Variants in LRRC69 observed in about 807,000 individuals in gnomAD.
LRRC69 encodes the protein leucine-rich repeat-containing protein 69.
In LRRC69, 42 loss-of-function variants were observed where a neutral mutation model predicts 37.8. The observed-to-expected ratio is 1.11, with a 90% CI of 0.87 to 1.44. LRRC69 has a LOEUF of 1.44. Among genes scored for constraint, LRRC69 ranks in the 40% most tolerant of loss-of-function variants. LRRC69 has a pLI of 0.00. For missense variants in LRRC69, 357 were observed against 401.9 expected (o/e 0.89, Z 0.96); for synonymous variants, 141 against 143.1 (o/e 0.99, Z 0.11).
At chr8:91,111,994 T>A (rs956161519) in intron 1 of LRRC69, among the ~76,000 whole-genome samples, 9 of 151,936 alleles carry the variant, frequency 5.9e-5, no homozygotes, top group Admixed American at 4.6e-4. Context: ...GATGCCTTCA[T>A]GGGGAAGATG....
chr8:91,164,064 AT>A (rs1194844489), intron 5 of LRRC69, among the ~76,000 whole-genome samples: 7 of 151,358 alleles, frequency 4.6e-5, no homozygotes, highest in African/African-American at 1.7e-4. Flanking sequence ...AAGGCAATCA[AT>A]TTTTTCATTA....
At chr8:91,150,066 T>C (rs1808703181) in intron 5 of LRRC69, among the ~76,000 whole-genome samples, 1 of 151,988 alleles carries the variant, frequency 6.6e-6, no homozygotes, top group African/African-American at 2.4e-5. Flanking sequence ...CCTAATTGAA[T>C]ACCCTTTATT....
intron 5 of LRRC69, among the ~76,000 whole-genome samples, chr8:91,155,917 CAT>C (rs1255991361): frequency 1.4e-5 from 2 of 147,514 alleles, no homozygotes; most frequent in Admixed American, 6.8e-5. Flanking sequence ...ATATATACAA[CAT>C]ATATATATAC....
chr8:91,185,787 C>T (rs1253309871), intron 5 of LRRC69, among the ~76,000 whole-genome samples: 1 of 151,802 alleles, frequency 6.6e-6, no homozygotes, highest in Non-Finnish European at 1.5e-5. Flanking sequence ...GACCTTAAGC[C>T]TATTTAGAAA....
chr8:91,205,933 G>A (rs1294007016), intron 7 of LRRC69, among the ~76,000 whole-genome samples: 1 of 152,106 alleles, frequency 6.6e-6, no homozygotes, highest in Non-Finnish European at 1.5e-5. Context: ...AAATGTCTTT[G>A]TCAAAGTTGA....
At chr8:91,117,344 C>G in intron 1 of LRRC69, among the ~76,000 whole-genome samples, 1 of 151,848 alleles carries the variant, frequency 6.6e-6, no homozygotes, top group East Asian at 1.9e-4. Flanking sequence ...AAAGGTACAT[C>G]TAAAAGGATT....
Position 91,200,602 on chromosome 8 carries a change from T to C in LRRC69, c.754-11T>C, listed in dbSNP as rs1012828239. The C allele has an allele frequency of 1.4e-6, 2 of 1,423,262 alleles. No individual in the cohort carries two copies. The highest frequency in any genetic ancestry group is 3.0e-5 in the African/African-American group (2 of 67,068). The allele number at this position is 1,423,262 out of a possible 1,614,324, so 88.2% of individuals were successfully genotyped here. On this transcript the variant is annotated splice_polypyrimidine_tract_variant and intron_variant, in intron 6 of 7. Transcript: ENST00000448384. ...ACAATCTGAGGAACTGTATTTTTTT[T>C]TTCAATTTAGGAAATAACATCAAGA...
At chr8:91,115,385 G>T (rs568730814) in intron 1 of LRRC69, among the ~76,000 whole-genome samples, 8,036 of 152,044 alleles carry the variant, frequency 0.053, 303 homozygotes, top group Middle Eastern at 0.17. Context: ...GTGGCTAACT[G>T]GTAGCTCATA....
chr8:91,158,571 A>T, intron 5 of LRRC69: 3 of 1,267,270 alleles, frequency 2.4e-6, no homozygotes, highest in Non-Finnish European at 3.5e-6. Context: ...CTTCTAATAC[A>T]AGCACAGGGG....
At chr8:91,215,529 G>T (rs1810028525) in intron 7 of LRRC69, among the ~76,000 whole-genome samples, 1 of 152,114 alleles carries the variant, frequency 6.6e-6, no homozygotes, top group Admixed American at 6.6e-5. Context: ...AACACGTAGA[G>T]AATATAATCA....
chr8:91,202,231 AAC>A (rs940251339), intron 7 of LRRC69, among the ~76,000 whole-genome samples: 1 of 151,218 alleles, frequency 6.6e-6, no homozygotes, highest in East Asian at 1.9e-4. Context: ...CAAAAACAAA[AAC>A]ACAACAAACA....
At chr8:91,154,477 T>C (rs1408723629) in intron 5 of LRRC69, among the ~76,000 whole-genome samples, 1 of 151,738 alleles carries the variant, frequency 6.6e-6, no homozygotes, top group African/African-American at 2.4e-5. Flanking sequence ...AAATCCCCAA[T>C]AAAATACTGG....
chr8:91,179,540 T>C (rs1373287197), intron 5 of LRRC69, among the ~76,000 whole-genome samples: 1 of 152,196 alleles, frequency 6.6e-6, no homozygotes, highest in African/African-American at 2.4e-5. Context: ...ATTCATAACA[T>C]ATAAAATATA....
At chr8:91,123,483 T>C (rs1006934862) in intron 1 of LRRC69, among the ~76,000 whole-genome samples, 1 of 152,048 alleles carries the variant, frequency 6.6e-6, no homozygotes, top group African/African-American at 2.4e-5. Context: ...TTAATATCAA[T>C]GTATATTTCT....
intron 5 of LRRC69, among the ~76,000 whole-genome samples, chr8:91,142,221 GT>G (rs1395624585): frequency 1.3e-5 from 2 of 151,932 alleles, no homozygotes; most frequent in Admixed American, 6.6e-5. Context: ...AGCATCATGA[GT>G]TTTGTGTTTG....
At chr8:91,149,626 T>G (rs1196829839) in intron 5 of LRRC69, among the ~76,000 whole-genome samples, 10 of 151,966 alleles carry the variant, frequency 6.6e-5, no homozygotes, top group East Asian at 1.9e-4. Context: ...GTGAAGAAAG[T>G]CATTGTTAGC....
intron 3 of LRRC69, among the ~76,000 whole-genome samples, chr8:91,128,188 A>T (rs1312860639): frequency 6.6e-6 from 1 of 152,020 alleles, no homozygotes; most frequent in Non-Finnish European, 1.5e-5. Flanking sequence ...ATCTCTGTGC[A>T]ACTAGATTTA....
intron 5 of LRRC69, among the ~76,000 whole-genome samples, chr8:91,156,631 TTC>T (rs1195165306): frequency 6.6e-6 from 1 of 151,040 alleles, no homozygotes; most frequent in East Asian, 1.9e-4. Context: ...TATTTTTTAA[TTC>T]TCTTTTTAAA....
At chr8:91,168,555 G>A (rs1027578114) in intron 5 of LRRC69, among the ~76,000 whole-genome samples, 1 of 151,846 alleles carries the variant, frequency 6.6e-6, no homozygotes, top group African/African-American at 2.4e-5. Flanking sequence ...ATTTGATTGA[G>A]AATTAGCAGC....
Sources: allele counts gnomAD v4.1 joint callset (sites outside exome capture counted in the v4.1 genomes callset), GRCh38; gene constraint gnomAD v4.1.1; transcripts MANE v1.5; gene names NCBI Gene and HGNC (gene_info 2026-07-23, HGNC 2026-07-21).